DAB1: variants seen among roughly 807,000 people sequenced by gnomAD.
DAB1 encodes disabled homolog 1.
A neutral mutation model predicts 64.6 loss-of-function variants in DAB1; 15 were observed. The ratio of observed to expected loss-of-function variants is 0.23; its 90% CI spans 0.16 to 0.36. The LOEUF is 0.36. DAB1 is among the 10% of genes least tolerant of loss of function. The pLI is 1.00. For synonymous variants in DAB1, 235 were observed against 251.9 expected (o/e 0.93, Z 0.64); for missense variants, 596 against 706.7 (o/e 0.84, Z 1.78).
intron 7 of DAB1, among the ~76,000 whole-genome samples, chr1:57,429,261 C>A (rs1685411425): frequency 6.6e-6 from 1 of 152,114 alleles, no homozygotes; most frequent in Non-Finnish European, 1.5e-5. Context: ...TTTTTACATG[C>A]CTGCTGGCCA....
chr1:58,454,008 T>C (rs1645165589), intron 3 of DAB1, among the ~76,000 whole-genome samples: 1 of 151,998 alleles, frequency 6.6e-6, no homozygotes, highest in Admixed American at 6.6e-5. Flanking sequence ...CAGCTCCACA[T>C]CACCTCCGTG....
intron 7 of DAB1, among the ~76,000 whole-genome samples, chr1:57,627,750 C>T (rs367892870): frequency 2.6e-4 from 40 of 152,330 alleles, no homozygotes; most frequent in Admixed American, 7.8e-4. Context: ...ATAGCCCATG[C>T]TGTTTGCATT....
chr1:57,237,327 G>A (rs754460045), intron 2 of DAB1, among the ~76,000 whole-genome samples: 10 of 152,158 alleles, frequency 6.6e-5, no homozygotes, highest in Non-Finnish European at 1.2e-4. Flanking sequence ...TCTTAGGGAA[G>A]CTTTACAATT....
At chr1:58,470,827 C>T (rs1308582762) in intron 3 of DAB1, among the ~76,000 whole-genome samples, 1 of 152,106 alleles carries the variant, frequency 6.6e-6, no homozygotes, top group Admixed American at 6.5e-5. Context: ...GCTCCCTACT[C>T]GGCTGCCCAG....
chr1:58,501,899 A>G (rs1645912455), intron 3 of DAB1, among the ~76,000 whole-genome samples: 1 of 152,128 alleles, frequency 6.6e-6, no homozygotes, highest in Non-Finnish European at 1.5e-5. Flanking sequence ...AAAAAGAGAC[A>G]TAAGAGAGCT....
chr1:57,755,669 T>C (rs1242295589), intron 6 of DAB1, among the ~76,000 whole-genome samples: 1 of 152,222 alleles, frequency 6.6e-6, no homozygotes, highest in Non-Finnish European at 1.5e-5. Context: ...TTCCTGTTCA[T>C]TCATCCTCTT....
At chr1:57,652,114 G>A (rs1217320963) in intron 6 of DAB1, among the ~76,000 whole-genome samples, 1 of 152,208 alleles carries the variant, frequency 6.6e-6, no homozygotes, top group African/African-American at 2.4e-5. Flanking sequence ...ATAATTGCCA[G>A]CTATTATTCA....
chr1:58,134,273 TGG>T (rs1168647129), intron 5 of DAB1, among the ~76,000 whole-genome samples: 9 of 151,898 alleles, frequency 5.9e-5, no homozygotes, highest in Non-Finnish European at 1.2e-4. Flanking sequence ...CATCCTAACA[TGG>T]AGAAAAAAAA....
intron 5 of DAB1, among the ~76,000 whole-genome samples, chr1:58,122,321 T>C (rs1245167086): frequency 6.6e-6 from 1 of 152,180 alleles, no homozygotes; most frequent in Admixed American, 6.5e-5. Flanking sequence ...TTAATAGATG[T>C]GGGCCTAATT....
At chr1:58,227,118 C>A (rs375106962) in intron 4 of DAB1, among the ~76,000 whole-genome samples, 15 of 152,152 alleles carry the variant, frequency 9.9e-5, no homozygotes, top group Non-Finnish European at 1.5e-5. Context: ...TATTTTCAAA[C>A]GCAGAAATAT....
chr1:57,170,767 C>T (rs1185766781), intron 2 of DAB1, among the ~76,000 whole-genome samples: 2 of 152,172 alleles, frequency 1.3e-5, no homozygotes, highest in South Asian at 2.1e-4. Context: ...GGATCATTCT[C>T]TTCCCTGAAA....
chr1:58,406,720 C>T (rs1569736273), intron 3 of DAB1, among the ~76,000 whole-genome samples: 1 of 23,218 alleles, frequency 4.3e-5, no homozygotes, highest in Admixed American at 2.5e-4. Flanking sequence ...CCCCCCCCCC[C>T]AACTGCCACC....
chr1:57,683,852 ACCAAT>A (rs1439866545), intron 6 of DAB1, among the ~76,000 whole-genome samples: 1 of 152,216 alleles, frequency 6.6e-6, no homozygotes, highest in Non-Finnish European at 1.5e-5. Flanking sequence ...GAAAATTGAA[ACCAAT>A]CCAAAGAATC....
chr1:57,279,313 C>T (rs555469144), intron 2 of DAB1, among the ~76,000 whole-genome samples: 63 of 152,268 alleles, frequency 4.1e-4, no homozygotes, highest in African/African-American at 1.3e-3. Context: ...CTAGATTACT[C>T]GTAATACCTA....
intron 5 of DAB1, among the ~76,000 whole-genome samples, chr1:58,148,046 T>C (rs2100727668): frequency 6.7e-6 from 1 of 148,566 alleles, no homozygotes; most frequent in African/African-American, 2.5e-5. Context: ...CAGTGACAAA[T>C]GGAATTCAAA....
chr1:57,050,227 T>C (rs982769230), intron 9 of DAB1, among the ~76,000 whole-genome samples: 1 of 152,210 alleles, frequency 6.6e-6, no homozygotes, highest in Non-Finnish European at 1.5e-5. Context: ...CTATCCTGAA[T>C]GGATACACTT....
intron 5 of DAB1, among the ~76,000 whole-genome samples, chr1:58,027,912 C>T (rs1325293482): frequency 6.6e-6 from 1 of 152,078 alleles, no homozygotes; most frequent in Non-Finnish European, 1.5e-5. Context: ...TGTGGAATTC[C>T]TCCTAGATAT....
chr1:58,234,269 C>A (rs1029615512), intron 4 of DAB1, among the ~76,000 whole-genome samples: 2 of 152,110 alleles, frequency 1.3e-5, no homozygotes, highest in Non-Finnish European at 2.9e-5. Flanking sequence ...TTATTGACTG[C>A]CAAGGACTGG....
At chr1:57,368,720 C>T (rs1182093862) in intron 1 of DAB1, among the ~76,000 whole-genome samples, 1 of 152,148 alleles carries the variant, frequency 6.6e-6, no homozygotes, top group South Asian at 2.1e-4. Flanking sequence ...CTTCATCTTG[C>T]TCACCCTCCA....
Sources: allele counts gnomAD v4.1 joint callset (sites outside exome capture counted in the v4.1 genomes callset), GRCh38; gene constraint gnomAD v4.1.1; transcripts MANE v1.5; gene names NCBI Gene and HGNC (gene_info 2026-07-23, HGNC 2026-07-21).